The following SLX4IP variants were observed in gnomAD, a reference collection of about 807,000 sequenced individuals.
The protein encoded by SLX4IP is protein SLX4IP.
In SLX4IP, 34 loss-of-function variants were observed where a neutral mutation model predicts 32.9. The observed-to-expected ratio is 1.03, with a 90% confidence interval of 0.79 to 1.38. The LOEUF (loss-of-function observed/expected upper bound fraction) is 1.38, where lower values mean the gene tolerates loss of function less well. Ranked by LOEUF, SLX4IP falls within the 40% of genes most tolerant of loss-of-function variation. The pLI is 0.00. For missense variants in SLX4IP, 444 were observed against 479.0 expected (o/e 0.93, Z 0.68); for synonymous variants, 172 against 171.7 (o/e 1.00, Z -0.01).
intron 6 of SLX4IP, among the ~76,000 whole-genome samples, chr20:10,618,007 A>G (rs889230974): frequency 2.0e-5 from 3 of 152,170 alleles, no homozygotes. Context: ...TATCTTAGGC[A>G]CCTAGCTCAT....
intron 7 of SLX4IP, among the ~76,000 whole-genome samples, chr20:10,621,982 C>T (rs1568779124): frequency 6.6e-6 from 1 of 152,212 alleles, no homozygotes; most frequent in Non-Finnish European, 1.5e-5. Flanking sequence ...ACTTTATCAT[C>T]AGAGTGAAGT....
chr20:10,586,823 T>C (rs140286325), intron 4 of SLX4IP, among the ~76,000 whole-genome samples: 9 of 152,176 alleles, frequency 5.9e-5, no homozygotes, highest in African/African-American at 2.2e-4. Context: ...GAAAAATTCA[T>C]AGAAAAATAT....
intron 4 of SLX4IP, among the ~76,000 whole-genome samples, chr20:10,590,373 T>A (rs2066694167): frequency 6.6e-6 from 1 of 152,062 alleles, no homozygotes; most frequent in Admixed American, 6.5e-5. Flanking sequence ...TTTAATTTTA[T>A]TTTTAGAGAC....
At chr20:10,615,580 C>T (rs1334518301) in intron 6 of SLX4IP, among the ~76,000 whole-genome samples, 1 of 152,176 alleles carries the variant, frequency 6.6e-6, no homozygotes, top group Non-Finnish European at 1.5e-5. Flanking sequence ...CTCCCTCTGC[C>T]GGAAACCTGT....
intron 2 of SLX4IP, among the ~76,000 whole-genome samples, chr20:10,496,597 A>G (rs2065669799): frequency 6.6e-6 from 1 of 152,096 alleles, no homozygotes; most frequent in Non-Finnish European, 1.5e-5. Flanking sequence ...TTATGGCTGC[A>G]GGCTGGCAGC....
At chr20:10,585,172 GTCC>G (rs201436107) in intron 4 of SLX4IP, among the ~76,000 whole-genome samples, 1,562 of 152,250 alleles carry the variant, frequency 0.01, 28 homozygotes, top group African/African-American at 0.035. Context: ...TGTGTTTTGT[GTCC>G]TCTTTCATAC....
At chr20:10,578,901 C>A (rs933608679) in intron 4 of SLX4IP, among the ~76,000 whole-genome samples, 2 of 152,024 alleles carry the variant, frequency 1.3e-5, no homozygotes, top group African/African-American at 4.8e-5. Flanking sequence ...AGGATTTGAA[C>A]CCATTTTTAA....
At chr20:10,494,867 G>A (rs2065653433) in intron 2 of SLX4IP, among the ~76,000 whole-genome samples, 1 of 152,058 alleles carries the variant, frequency 6.6e-6, no homozygotes, top group Non-Finnish European at 1.5e-5. Context: ...TGGAGAGATG[G>A]CCATCAAGGG....
chr20:10,592,911 C>T (rs757992546), intron 4 of SLX4IP, among the ~76,000 whole-genome samples: 2 of 152,032 alleles, frequency 1.3e-5, no homozygotes, highest in East Asian at 1.9e-4. Flanking sequence ...GGATTACAGG[C>T]GTGAGCCACT....
intron 1 of SLX4IP, among the ~76,000 whole-genome samples, chr20:10,447,059 T>C (rs2065208385): frequency 6.6e-6 from 1 of 152,216 alleles, no homozygotes; most frequent in South Asian, 2.1e-4. Flanking sequence ...TTTTAACCCA[T>C]CTGTAATTGA....
At chr20:10,498,234 G>A (rs1277335788) in intron 2 of SLX4IP, among the ~76,000 whole-genome samples, 1 of 151,570 alleles carries the variant, frequency 6.6e-6, no homozygotes, top group East Asian at 1.9e-4. Flanking sequence ...GGGCAGCTCT[G>A]TTCAGTTCCT....
At chr20:10,505,354 A>G (rs570469491) in intron 2 of SLX4IP, among the ~76,000 whole-genome samples, 1 of 152,338 alleles carries the variant, frequency 6.6e-6, no homozygotes, top group South Asian at 2.1e-4. Context: ...GACAGGGTGG[A>G]GCCCCTGCTT....
At chr20:10,446,256 A>T (rs2065201693) in intron 1 of SLX4IP, among the ~76,000 whole-genome samples, 1 of 151,856 alleles carries the variant, frequency 6.6e-6, no homozygotes, top group Non-Finnish European at 1.5e-5. Flanking sequence ...TATTAAAAAC[A>T]TAAAAATTAG....
intron 2 of SLX4IP, among the ~76,000 whole-genome samples, chr20:10,510,617 T>A (rs1008003844): frequency 1.3e-5 from 2 of 150,130 alleles, no homozygotes; most frequent in African/African-American, 4.9e-5. Context: ...TTATTTTTTT[T>A]TTTTTTGAGA....
chr20:10,492,543 A>G (rs954924613), intron 2 of SLX4IP, among the ~76,000 whole-genome samples: 1 of 152,122 alleles, frequency 6.6e-6, no homozygotes, highest in South Asian at 2.1e-4. Flanking sequence ...CATAACTGCT[A>G]TCTATATAGT....
intron 1 of SLX4IP, among the ~76,000 whole-genome samples, chr20:10,453,863 T>C (rs913815626): frequency 6.6e-6 from 1 of 152,170 alleles, no homozygotes; most frequent in Non-Finnish European, 1.5e-5. Flanking sequence ...TTTTAATTTA[T>C]TGTCTCTTTT....
chr20:10,452,623 G>A (rs191412199), intron 1 of SLX4IP, among the ~76,000 whole-genome samples: 4 of 146,820 alleles, frequency 2.7e-5, no homozygotes, highest in African/African-American at 7.6e-5. Context: ...CTGAGATCAC[G>A]CTATTGCACT....
chr20:10,486,990 T>C (rs1288409900), intron 2 of SLX4IP, among the ~76,000 whole-genome samples: 1 of 152,124 alleles, frequency 6.6e-6, no homozygotes, highest in Non-Finnish European at 1.5e-5. Context: ...GATCAATTGA[T>C]TCTGATTCAC....
intron 2 of SLX4IP, among the ~76,000 whole-genome samples, chr20:10,502,790 G>A (rs1419451683): frequency 6.7e-6 from 1 of 149,652 alleles, no homozygotes; most frequent in African/African-American, 2.5e-5. Flanking sequence ...TTTCTTTTTG[G>A]TCTGTCTCTA....
Sources: gnomAD v4.1 joint callset for allele counts (sites outside exome capture counted in the v4.1 genomes callset) on GRCh38, gnomAD v4.1.1 for gene constraint, MANE v1.5 for transcripts, NCBI Gene and HGNC (gene_info 2026-07-23, HGNC 2026-07-21) for gene names.